C20orf96: variants seen among roughly 807,000 people sequenced by gnomAD.
C20orf96 encodes uncharacterized protein C20orf96.
In C20orf96, 57 loss-of-function variants were observed where a neutral mutation model predicts 52.6. The ratio of observed to expected loss-of-function variants is 1.08; its 90% confidence interval spans 0.88 to 1.35. C20orf96 has a LOEUF of 1.35. Ranked by LOEUF, C20orf96 falls within the 40% of genes most tolerant of loss-of-function variation. The pLI, the probability that C20orf96 is intolerant of heterozygous loss-of-function variation, is 0.00. For synonymous variants in C20orf96, 168 were observed against 157.2 expected (o/e 1.07, Z -0.51); for missense variants, 478 against 443.6 (o/e 1.08, Z -0.70).
rs3835237 is a variant in C20orf96, at chr20:290,584, T to TTTTA, written c.20+6_20+7insTAAA. The TTTTA allele has an allele frequency of 0.036, 53,065 of 1,472,022 alleles. 1,164 individuals are homozygous for TTTTA. The highest frequency in any genetic ancestry group is 0.11 in the African/African-American group (6,912 of 60,722). The allele number at this position is 1,472,022 out of a possible 1,614,324, so 91.2% of individuals were successfully genotyped here. Reference sequence around the variant, plus strand: ...TCCAATTTTTTTTTTTTTTTTTTTTTACCTACTTTTGTAAGACATGCGCCA... The same window carrying TTTTA: ...TCCAATTTTTTTTTTTTTTTTTTTTTTTTAACCTACTTTTGTAAGACATGCGCCA... On this transcript the variant is annotated splice_region_variant and intron_variant, in intron 1 of 10. Coordinates refer to ENST00000360321, the MANE Select transcript of C20orf96 (RefSeq NM_153269.3).
intron 10 of C20orf96, among the ~76,000 whole-genome samples, chr20:272,065 T>C (rs76789052): frequency 6.6e-6 from 1 of 151,736 alleles, no homozygotes; most frequent in African/African-American, 2.4e-5. Flanking sequence ...ATACTTGCAA[T>C]TTACAAATAC....
At position 271,185 on chromosome 20, in the gene C20orf96, G is replaced by A; in HGVS notation, c.*22C>T. On this transcript the variant is annotated 3_prime_UTR_variant, in exon 11 of 11. Transcript: ENST00000360321. ...GTGCTGGGAAGAGAGCAGGAGGGGA[G>A]GGCGGCCCATGGCACTGCCATCTAG... The A allele has an allele frequency of 6.5e-7, 1 of 1,548,118 alleles. No individual in the cohort carries two copies. Among genetic ancestry groups the A allele is most frequent in the African/African-American group, 1.4e-5 (1 of 73,144 alleles).
At position 277,065 on chromosome 20, in the gene C20orf96, T is replaced by G. The variant is rs6046368; in HGVS notation, c.804A>C (p.Lys268Asn). Residue 268 changes from lysine to asparagine, a missense_variant, in exon 8 of 11, where the codon AAA becomes AAC. Transcript: ENST00000360321. The stretch of plus-strand genomic sequence containing the variant: ...TCACCGCCACCACAGAACTCAGAAT[T>G]TTTTTCTTCTTCTTCTGAATCTTGT... ...LSDKIQKKKK[K>N]ILSSVVAETQ... 2.4e-5 allele frequency: 38 copies of G among 1,613,730 alleles called. No homozygotes were observed. In the African/African-American group the frequency reaches 4.9e-4, roughly 21 times the overall value.
chr20:290,602 A>G lies in C20orf96; in HGVS notation c.9T>C (p.His3=), dbSNP rs765854885. 27 of 1,596,890 alleles carry G rather than the reference A, an allele frequency of 1.7e-5. No individual in the cohort carries two copies. The highest frequency in any genetic ancestry group is 1.5e-5 in the African/African-American group (1 of 66,252). Residue 3 remains histidine, a synonymous_variant, in exon 1 of 11, where the codon CAT becomes CAC. Coordinates refer to ENST00000360321, the MANE Select transcript of C20orf96 (RefSeq NM_153269.3). ...TTTTTTTTACCTACTTTTGTAAGAC[A>G]TGCGCCATTGGGGAAAATGGAAGAG... MA[H]VLQKPKHSGT...
chr20:277,560 C>T (rs1352625794), intron 6 of C20orf96, among the ~76,000 whole-genome samples, 177 bp from the exon 7 acceptor site: 1 of 152,072 alleles, frequency 6.6e-6, no homozygotes, highest in Non-Finnish European at 1.5e-5. Context: ...CGGTTTTCCA[C>T]CCCTGCAGGA....
At chr20:276,556 T>C in intron 9 of C20orf96, 1 of 985,346 alleles carries the variant, frequency 1.0e-6, no homozygotes, top group Non-Finnish European at 1.2e-6. Context: ...GTGATGGTTG[T>C]AAATGGGTCA....
chr20:277,466 A>C, intron 6 of C20orf96, 83 bp from the exon 7 acceptor site: 1 of 1,454,288 alleles, frequency 6.9e-7, no homozygotes, highest in Non-Finnish European at 9.4e-7. Flanking sequence ...CCCAGGAGGC[A>C]AGGTCTCCTT....
intron 9 of C20orf96, 63 bp downstream of exon 9, chr20:276,730 G>A (rs2012036665): frequency 6.3e-7 from 1 of 1,577,306 alleles, no homozygotes. Context: ...CATTCCCACA[G>A]GCCGTGGGGA....
chr20:288,174 C>CTTTTTTTTTTTTTTTTTTTTTTTTT (rs1237648367), intron 3 of C20orf96, among the ~76,000 whole-genome samples: 6 of 66,040 alleles, frequency 9.1e-5, no homozygotes, highest in Non-Finnish European at 1.1e-4. Flanking sequence ...TTTTCTTTTT[C>CTTTTTTTTTTTTTTTTTTTTTTTTT]TTTTTTTTTT....
chr20:279,389 G>A, intron 4 of C20orf96, 59 bp from the exon 5 acceptor site: 2 of 1,543,964 alleles, frequency 1.3e-6, no homozygotes, highest in Non-Finnish European at 1.7e-6. Flanking sequence ...CTGAGCCCCC[G>A]AAAGCCCGTG....
chr20:288,174 C>CTTTTTTTTTTTTTTTTT lies in C20orf96; in HGVS notation c.187+1368_187+1384dup, dbSNP rs1237648367. ...AAATCATTTCTTTCTTTTTCTTTTT[C>CTTTTTTTTTTTTTTTTT]TTTTTTTTTTTTTTTTTTTTTTTGC... On this transcript the variant is annotated intron_variant, in intron 3 of 10. Coordinates refer to ENST00000360321, the MANE Select transcript of C20orf96 (RefSeq NM_153269.3). Among the ~76,000 whole-genome samples, 120 of 66,060 alleles carry CTTTTTTTTTTTTTTTTT rather than the reference C, an allele frequency of 1.8e-3. 1 individual carries two copies. Among genetic ancestry groups the CTTTTTTTTTTTTTTTTT allele is most frequent in the African/African-American group, 2.3e-3 (37 of 16,256 alleles). 43.3% of individuals were successfully genotyped at this position (66,060 alleles called of 152,430 possible).
chr20:282,407 A>AC (rs1315546019), intron 4 of C20orf96, among the ~76,000 whole-genome samples: 1 of 152,220 alleles, frequency 6.6e-6, no homozygotes, highest in Non-Finnish European at 1.5e-5. Flanking sequence ...AGAACCTGGC[A>AC]CATGGTAGGT....
chr20:275,323 G>A (rs1459615648), intron 10 of C20orf96, among the ~76,000 whole-genome samples: 9 of 152,132 alleles, frequency 5.9e-5, no homozygotes, highest in Non-Finnish European at 1.2e-4. Flanking sequence ...TTTTGGGGGC[G>A]GGGGGCGGTT....
chr20:289,464 G>A (rs906766541), intron 3 of C20orf96, 95 bp downstream of exon 3: 3 of 777,778 alleles, frequency 3.9e-6, no homozygotes, highest in Non-Finnish European at 6.9e-6. Flanking sequence ...ACATCAGTTA[G>A]CCTACCCTAA....
Position 290,283 on chromosome 20 carries a change from G to A in C20orf96, c.45C>T (p.Ser15=). 1.2e-6 allele frequency: 2 copies of A among 1,612,906 alleles called. No individual in the cohort carries two copies. The change falls in exon 2 of 11, where the codon TCC becomes TCT. Residue 15 remains serine (S), a synonymous_variant. Coordinates refer to ENST00000360321, the MANE Select transcript of C20orf96 (RefSeq NM_153269.3). The part of the protein sequence containing the change: ...LQKPKHSGTH[S]IVQEFQVPDY... Reference sequence around the variant, plus strand: ...CCGGAACCTGGAACTCCTGGACTATGGAGTGAGTCCCAGAGTGCTTGGGTC... The same window carrying A: ...CCGGAACCTGGAACTCCTGGACTATAGAGTGAGTCCCAGAGTGCTTGGGTC...
intron 10 of C20orf96, among the ~76,000 whole-genome samples, 184 bp from the exon 11 acceptor site, chr20:271,451 C>G (rs420769): frequency 4.1e-5 from 3 of 73,690 alleles, no homozygotes; most frequent in African/African-American, 2.1e-4. Flanking sequence ...CATACACACA[C>G]ACACACACAC....
intron 10 of C20orf96, among the ~76,000 whole-genome samples, chr20:274,467 T>C (rs1476808000): frequency 1.3e-5 from 2 of 152,068 alleles, no homozygotes; most frequent in Non-Finnish European, 2.9e-5. Context: ...GATCGGGTGG[T>C]TCAATTTGCC....
chr20:279,202 C>A lies in C20orf96; in HGVS notation c.435G>T (p.Arg145=). ...GGGTGTCCTGCTGCTGCAGCAGGGC[C>A]CGCACGTGCAGGGTCGTGCTGTTCT... ...EMENSTTLHV[R]ALLQQQDTLA... is the part of the protein sequence containing the mutation. Residue 145 remains arginine (R), a synonymous_variant, in exon 5 of 11, where the codon CGG becomes CGT. Transcript: ENST00000360321. 1 of 1,605,556 alleles carries A rather than the reference C, an allele frequency of 6.2e-7. No homozygotes were observed.
chr20:280,339 T>C (rs6081910), intron 4 of C20orf96, among the ~76,000 whole-genome samples: 5,145 of 89,946 alleles, frequency 0.057, 267 homozygotes, highest in East Asian at 0.097. Context: ...ACAGTAACAA[T>C]AACAACAACA....
Sources: gnomAD v4.1 joint callset for allele counts (sites outside exome capture counted in the v4.1 genomes callset) on GRCh38, gnomAD v4.1.1 for gene constraint, MANE v1.5 for transcripts, NCBI Gene and HGNC (gene_info 2026-07-23, HGNC 2026-07-21) for gene names.